Variants in CKMT2 observed in about 807,000 individuals in gnomAD.
CKMT2 encodes creatine kinase S-type, mitochondrial.
In CKMT2, 43 loss-of-function variants were observed where a neutral mutation model predicts 48.9. That is an observed-to-expected ratio of 0.88 (90% confidence interval 0.69 to 1.13). The LOEUF (loss-of-function observed/expected upper bound fraction) is 1.13, where lower values mean the gene tolerates loss of function less well. CKMT2 is among the 50% of genes most tolerant of loss of function. CKMT2 has a pLI of 0.00. For missense variants in CKMT2, 472 were observed against 555.4 expected, an observed-to-expected ratio of 0.85 and a Z score of 1.51; for synonymous variants, 206 against 213.0, an observed-to-expected ratio of 0.97 and a Z score of 0.29.
intron 1 of CKMT2, among the ~76,000 whole-genome samples, chr5:81,245,873 T>G (rs989428839): frequency 5.3e-5 from 8 of 152,098 alleles, no homozygotes; most frequent in African/African-American, 1.9e-4. Context: ...CCCCCACCAG[T>G]GGGCCCCAAC....
At chr5:81,254,317 C>T (rs748705519) in intron 3 of CKMT2, 79 bp from the exon 4 acceptor site, 28 of 1,253,394 alleles carry the variant, frequency 2.2e-5, no homozygotes, top group Non-Finnish European at 2.9e-5. Context: ...TTTTAAGATA[C>T]AAGGGGCAAG....
rs769873251 is a variant in CKMT2, at chr5:81,263,666, A to G, written c.1140+50A>G. The G allele has an allele frequency of 2.6e-6, 4 of 1,531,726 alleles. No homozygotes were observed. In the African/African-American group the frequency reaches 4.1e-5, roughly 16 times the overall value. The allele number at this position is 1,531,726 out of a possible 1,614,324, so 94.9% of individuals were successfully genotyped here. On this transcript the variant is annotated intron_variant, in intron 9 of 9. Coordinates refer to ENST00000254035, the MANE Select transcript of CKMT2 (RefSeq NM_001099735.2). ...CATGAACTAACAAAATCAGCCTAAG[A>G]GAGAATAGAGAAAAGCAAACAGCCT... is the stretch of plus-strand genomic sequence containing the variant.
chr5:81,251,722 A>G (rs1313776868), intron 2 of CKMT2, among the ~76,000 whole-genome samples: 1 of 152,226 alleles, frequency 6.6e-6, no homozygotes, highest in African/African-American at 2.4e-5. Context: ...ACCGAAAATC[A>G]TTTTGAGACT....
chr5:81,239,790 G>A (rs934448873), intron 1 of CKMT2, among the ~76,000 whole-genome samples: 1 of 147,814 alleles, frequency 6.8e-6, no homozygotes, highest in Non-Finnish European at 1.5e-5. Flanking sequence ...CCCAGCAGAG[G>A]GCCGTGGTTA....
At chr5:81,234,292 A>G (rs2112773346) in intron 1 of CKMT2, among the ~76,000 whole-genome samples, 1 of 152,244 alleles carries the variant, frequency 6.6e-6, no homozygotes, top group African/African-American at 2.4e-5. Context: ...GACCCCTCAC[A>G]GTGTCAGCTG....
chr5:81,253,674 C>A (rs745459217), intron 3 of CKMT2, among the ~76,000 whole-genome samples: 7 of 152,190 alleles, frequency 4.6e-5, no homozygotes, highest in Non-Finnish European at 1.0e-4. Context: ...CAGTGCACAA[C>A]CCTGGGTCTA....
intron 8 of CKMT2, among the ~76,000 whole-genome samples, chr5:81,259,796 T>A (rs996884747): frequency 6.6e-6 from 1 of 152,206 alleles, no homozygotes; most frequent in Admixed American, 6.5e-5. Context: ...TAACACCCCA[T>A]TGTCAATATT....
At chr5:81,237,155 A>C (rs996642357) in intron 1 of CKMT2, among the ~76,000 whole-genome samples, 1 of 152,218 alleles carries the variant, frequency 6.6e-6, no homozygotes, top group African/African-American at 2.4e-5. Flanking sequence ...TCTCAAATTA[A>C]ATGAAACATT....
At chr5:81,253,143 G>T (rs1338622031) in intron 3 of CKMT2, among the ~76,000 whole-genome samples, 2 of 152,178 alleles carry the variant, frequency 1.3e-5, no homozygotes, top group African/African-American at 4.8e-5. Flanking sequence ...GGAATGAATT[G>T]CATGACAGAA....
intron 1 of CKMT2, among the ~76,000 whole-genome samples, chr5:81,247,913 C>A (rs1339434660): frequency 6.6e-6 from 1 of 152,108 alleles, no homozygotes; most frequent in African/African-American, 2.4e-5. Flanking sequence ...GGATTATCTG[C>A]ATGAGTCATC....
At chr5:81,240,986 G>T (rs1346512667) in intron 1 of CKMT2, among the ~76,000 whole-genome samples, 1 of 152,148 alleles carries the variant, frequency 6.6e-6, no homozygotes, top group Non-Finnish European at 1.5e-5. Flanking sequence ...AGCCTCTCAG[G>T]TTCCTGACAT....
In CKMT2 at chr5:81,259,178, A is replaced by G; in HGVS notation, c.938A>G (p.Tyr313Cys). The G allele has an allele frequency of 1.2e-6, 2 of 1,614,094 alleles. No individual in the cohort carries two copies. Among genetic ancestry groups the G allele is most frequent in the South Asian group, 2.2e-5 (2 of 91,056 alleles). ...TTCATGTGGAATGAGCGCCTAGGATACATTTTGACCTGTCCTTCGAACCTT... is the reference window on the plus strand; with the variant it reads ...TTCATGTGGAATGAGCGCCTAGGATGCATTTTGACCTGTCCTTCGAACCTT... Reference protein sequence around the residue: ...WEFMWNERLGYILTCPSNLGT... With the variant: ...WEFMWNERLGCILTCPSNLGT... The change falls in exon 8 of 10, where the codon TAC (tyrosine) becomes TGC (cysteine). Residue 313 changes from tyrosine (Y) to cysteine (C), a missense_variant. Physicochemically the swap from Tyr to Cys is radical, Grantham distance 194. Transcript: ENST00000254035.
Position 81,257,743 on chromosome 5 carries a change from G to T in CKMT2, c.766G>T (p.Asp256Tyr), listed in dbSNP as rs772751904. 1 of 1,611,978 alleles carries T rather than the reference G, an allele frequency of 6.2e-7. No homozygotes were observed. Among genetic ancestry groups the T allele is most frequent in the South Asian group, 1.1e-5 (1 of 90,918 alleles). The change falls in exon 7 of 10, where the codon GAT (aspartate) becomes TAT (tyrosine). Residue 256 changes from aspartate (D) to tyrosine (Y), a missense_variant. Transcript: ENST00000254035. ...TTCTCTCTTCATTAGGCATAATTATGATAAGACATTTCTCATCTGGATAAA... is the reference window on the plus strand; with the variant it reads ...TTCTCTCTTCATTAGGCATAATTATTATAAGACATTTCTCATCTGGATAAA... ...PDARGIWHNY[D>Y]KTFLIWINEE... is the part of the protein sequence containing the mutation.
At chr5:81,236,771 C>T (rs1045325596) in intron 1 of CKMT2, among the ~76,000 whole-genome samples, 9 of 152,068 alleles carry the variant, frequency 5.9e-5, no homozygotes, top group African/African-American at 1.7e-4. Context: ...TTGTGAACCC[C>T]GATGTTGGTT....
intron 5 of CKMT2, 34 bp downstream of exon 5, chr5:81,255,248 T>C (rs1756963655): frequency 6.3e-7 from 1 of 1,585,336 alleles, no homozygotes; most frequent in Non-Finnish European, 8.7e-7. Flanking sequence ...GGGGAAGGAC[T>C]GGACCAAGGG....
chr5:81,240,430 C>A (rs1406564184), intron 1 of CKMT2, among the ~76,000 whole-genome samples: 2 of 152,188 alleles, frequency 1.3e-5, no homozygotes, highest in African/African-American at 4.8e-5. Context: ...TGGGGGCACA[C>A]GGCATCCACA....
intron 2 of CKMT2, 128 bp from the exon 3 acceptor site, chr5:81,252,567 C>T: frequency 1.1e-6 from 1 of 907,838 alleles, no homozygotes; most frequent in East Asian, 2.5e-5. Flanking sequence ...CTAGGCAGTT[C>T]TAGCCAAGTA....
chr5:81,253,676 C>G (rs535704944), intron 3 of CKMT2, among the ~76,000 whole-genome samples: 13 of 152,336 alleles, frequency 8.5e-5, no homozygotes, highest in Admixed American at 1.3e-4. Flanking sequence ...GTGCACAACC[C>G]TGGGTCTAGT....
intron 4 of CKMT2, 142 bp downstream of exon 4, chr5:81,254,633 G>A: frequency 1.5e-6 from 1 of 688,278 alleles, no homozygotes; most frequent in Non-Finnish European, 2.5e-6. Flanking sequence ...CCTTCCCTCT[G>A]GAGGGCCACA....
Sources: gnomAD v4.1 joint callset for allele counts (sites outside exome capture counted in the v4.1 genomes callset) on GRCh38, gnomAD v4.1.1 for gene constraint, MANE v1.5 for transcripts, NCBI Gene and HGNC (gene_info 2026-07-23, HGNC 2026-07-21) for gene names.